Variants in RIT2 observed in about 807,000 individuals in gnomAD.
RIT2 encodes the protein GTP-binding protein Rit2.
A neutral mutation model predicts 23.7 loss-of-function variants in RIT2; 24 were observed. That is an observed-to-expected ratio of 1.01 (90% CI 0.73 to 1.43). The LOEUF (loss-of-function observed/expected upper bound fraction) is 1.43. RIT2 is among the 40% of genes most tolerant of loss of function. The pLI is 0.00. For missense variants in RIT2, 236 were observed against 266.9 expected (o/e 0.88, Z 0.81); for synonymous variants, 107 against 91.1 (o/e 1.17, Z -0.99).
intron 4 of RIT2, among the ~76,000 whole-genome samples, chr18:42,877,741 C>T (rs1047587599): frequency 1.3e-5 from 2 of 151,514 alleles, no homozygotes; most frequent in Admixed American, 6.6e-5. Flanking sequence ...ATTTAACACC[C>T]GACCTTATCT....
chr18:42,993,100 C>T (rs560217282), intron 2 of RIT2, among the ~76,000 whole-genome samples: 155 of 152,274 alleles, frequency 1.0e-3, no homozygotes, highest in African/African-American at 3.4e-3. Context: ...ACGCCTGAAC[C>T]GCAGCAGCCA....
intron 1 of RIT2, among the ~76,000 whole-genome samples, chr18:43,059,497 A>G (rs1310498083): frequency 2.0e-5 from 3 of 152,144 alleles, no homozygotes; most frequent in Non-Finnish European, 4.4e-5. Flanking sequence ...GGACTAGTAT[A>G]GCATAATTAG....
At chr18:43,095,628 T>A (rs943225602) in intron 1 of RIT2, among the ~76,000 whole-genome samples, 4 of 152,022 alleles carry the variant, frequency 2.6e-5, no homozygotes, top group Non-Finnish European at 4.4e-5. Context: ...TAATTTTAAA[T>A]TCAATGTAAT....
chr18:42,911,735 G>T (rs1908774534), intron 4 of RIT2, among the ~76,000 whole-genome samples: 1 of 151,882 alleles, frequency 6.6e-6, no homozygotes, highest in Non-Finnish European at 1.5e-5. Context: ...CTCAAACTCA[G>T]CCAAAATCAA....
chr18:42,989,463 T>C (rs1910788893), intron 2 of RIT2, among the ~76,000 whole-genome samples: 1 of 152,212 alleles, frequency 6.6e-6, no homozygotes, highest in African/African-American at 2.4e-5. Flanking sequence ...TGGATTAAAT[T>C]AAATTTAATA....
intron 3 of RIT2, among the ~76,000 whole-genome samples, chr18:42,970,367 G>A (rs1910333349): frequency 6.6e-6 from 1 of 151,944 alleles, no homozygotes; most frequent in South Asian, 2.1e-4. Flanking sequence ...GAAGAGTTAA[G>A]TATTAAAAAA....
In RIT2 at chr18:42,992,190, T is replaced by A. The variant is rs117031386; in HGVS notation, c.161-18043A>T. 2.1e-3 allele frequency among the ~76,000 whole-genome samples: 318 copies of A among 152,168 alleles called. 1 individual carries two copies. Among genetic ancestry groups the A allele is most frequent in the Non-Finnish European group, 3.4e-3 (234 of 68,020 alleles). On this transcript the variant is annotated intron_variant, in intron 2 of 4. Transcript: ENST00000326695. ...CCCTTAGCCTGTCCTCTCAAGAACT[T>A]GAAACCTCTTCAACTCACACGTGAC...
intron 4 of RIT2, among the ~76,000 whole-genome samples, chr18:42,785,046 TTAAA>T (rs1913893123): frequency 2.0e-5 from 3 of 152,122 alleles, no homozygotes; most frequent in Non-Finnish European, 4.4e-5. Flanking sequence ...AAAGCATTTG[TTAAA>T]TAATATATTA....
chr18:42,800,518 C>CTT (rs147481524), intron 4 of RIT2, among the ~76,000 whole-genome samples: 3,370 of 144,404 alleles, frequency 0.023, 158 homozygotes, highest in Non-Finnish European at 0.031. Flanking sequence ...CAGTTACATT[C>CTT]TTTTTTTTTT....
intron 2 of RIT2, among the ~76,000 whole-genome samples, chr18:43,015,945 C>A (rs748111909): frequency 1.3e-5 from 2 of 151,796 alleles, no homozygotes; most frequent in African/African-American, 2.4e-5. Context: ...CTTAAACAGT[C>A]TCCTATGGCC....
intron 1 of RIT2, among the ~76,000 whole-genome samples, chr18:43,046,953 T>G (rs1475819291): frequency 6.6e-6 from 1 of 152,158 alleles, no homozygotes; most frequent in Non-Finnish European, 1.5e-5. Context: ...AAGTGTTTAG[T>G]GTGATCCTCA....
At chr18:42,746,522 T>C (rs1165586768) in intron 4 of RIT2, among the ~76,000 whole-genome samples, 2 of 152,074 alleles carry the variant, frequency 1.3e-5, no homozygotes, top group Non-Finnish European at 2.9e-5. Flanking sequence ...GGGGAATATT[T>C]TATAATAATA....
chr18:42,949,099 G>T, intron 3 of RIT2: 1 of 397,314 alleles, frequency 2.5e-6, no homozygotes, highest in Non-Finnish European at 4.4e-6. Flanking sequence ...AGAACTTGGA[G>T]CTCTAATTAG....
intron 4 of RIT2, among the ~76,000 whole-genome samples, chr18:42,907,102 T>G (rs1235905705): frequency 6.6e-6 from 1 of 152,190 alleles, no homozygotes; most frequent in African/African-American, 2.4e-5. Flanking sequence ...TTTTTTTAAG[T>G]CTTCTTTTAG....
At chr18:42,916,727 C>T (rs1343816922) in intron 4 of RIT2, among the ~76,000 whole-genome samples, 1 of 152,032 alleles carries the variant, frequency 6.6e-6, no homozygotes, top group African/African-American at 2.4e-5. Flanking sequence ...ATACACTGTG[C>T]TAGATAACCT....
chr18:42,925,803 T>C (rs1909164999), intron 3 of RIT2, among the ~76,000 whole-genome samples: 1 of 151,656 alleles, frequency 6.6e-6, no homozygotes, highest in African/African-American at 2.4e-5. Context: ...TATACATCAT[T>C]CTAAACTCAA....
chr18:43,101,737 A>T (rs921279951), intron 1 of RIT2, among the ~76,000 whole-genome samples: 4 of 152,204 alleles, frequency 2.6e-5, no homozygotes, highest in African/African-American at 9.6e-5. Flanking sequence ...AAAGTATTTT[A>T]GGTAAAAATG....
At chr18:42,986,780 G>A (rs1476356399) in intron 2 of RIT2, among the ~76,000 whole-genome samples, 2 of 151,958 alleles carry the variant, frequency 1.3e-5, no homozygotes, top group Admixed American at 6.6e-5. Flanking sequence ...GGGATTACAC[G>A]GTAAGCCACC....
intron 4 of RIT2, among the ~76,000 whole-genome samples, chr18:42,909,141 A>G (rs1205245577): frequency 6.6e-6 from 1 of 152,182 alleles, no homozygotes; most frequent in South Asian, 2.1e-4. Flanking sequence ...CTACTCAGCC[A>G]TAAAAAGGAA....
Sources: allele counts gnomAD v4.1 joint callset (sites outside exome capture counted in the v4.1 genomes callset), GRCh38; gene constraint gnomAD v4.1.1; transcripts MANE v1.5; gene names NCBI Gene and HGNC (gene_info 2026-07-23, HGNC 2026-07-21).